PTPRN2: variants seen among roughly 807,000 people sequenced by gnomAD.
The protein encoded by PTPRN2 is protein tyrosine phosphatase receptor type N2.
PTPRN2 carries 74 observed loss-of-function variants against 118.8 expected under a neutral mutation model. The ratio of observed to expected loss-of-function variants is 0.62; its 90% CI spans 0.52 to 0.76. The LOEUF (loss-of-function observed/expected upper bound fraction) is 0.76, where lower values mean the gene tolerates loss of function less well. PTPRN2 is among the 30% of genes least tolerant of loss of function. PTPRN2 has a pLI of 0.00. For missense variants in PTPRN2, 1,481 were observed against 1,394.4 expected (o/e 1.06, Z -0.99); for synonymous variants, 641 against 608.0 (o/e 1.05, Z -0.80).
intron 12 of PTPRN2, among the ~76,000 whole-genome samples, chr7:157,721,935 G>A (rs139731709): frequency 1.3e-5 from 2 of 152,308 alleles, no homozygotes; most frequent in East Asian, 3.9e-4. Context: ...GTCTTCAAAC[G>A]AGAACACTTC....
At chr7:157,579,504 A>G (rs565214922) in intron 17 of PTPRN2, among the ~76,000 whole-genome samples, 13 of 152,340 alleles carry the variant, frequency 8.5e-5, no homozygotes, top group Admixed American at 7.8e-4. Flanking sequence ...AAATGAGGAG[A>G]AACACAGATT....
At chr7:158,160,345 T>C (rs1356998747) in intron 6 of PTPRN2, among the ~76,000 whole-genome samples, 1 of 151,964 alleles carries the variant, frequency 6.6e-6, no homozygotes, top group Admixed American at 6.6e-5. Context: ...ACACAGAGGG[T>C]GAATTAGGCT....
intron 4 of PTPRN2, among the ~76,000 whole-genome samples, chr7:158,198,415 T>C (rs900627890): frequency 6.6e-6 from 1 of 152,212 alleles, no homozygotes; most frequent in Non-Finnish European, 1.5e-5. Context: ...CCCTTCTCCA[T>C]TGGCACACAC....
At chr7:158,449,215 G>T (rs1817931345) in intron 2 of PTPRN2, among the ~76,000 whole-genome samples, 1 of 152,214 alleles carries the variant, frequency 6.6e-6, no homozygotes, top group South Asian at 2.1e-4. Flanking sequence ...TAGGGATGGT[G>T]TCTCCAATGA....
intron 5 of PTPRN2, among the ~76,000 whole-genome samples, chr7:158,171,310 T>TACATAC (rs1343884902): frequency 2.4e-4 from 16 of 67,636 alleles, no homozygotes; most frequent in East Asian, 2.0e-3. Flanking sequence ...TATACACACA[T>TACATAC]ATATATATAT....
At chr7:157,600,016 C>T (rs1801578978) in intron 16 of PTPRN2, among the ~76,000 whole-genome samples, 1 of 96,568 alleles carries the variant, frequency 1.0e-5, no homozygotes, top group East Asian at 3.2e-4. Context: ...TCCACCTGCC[C>T]ACCTCTCCAC....
chr7:158,162,199 A>T (rs565729045), intron 6 of PTPRN2, among the ~76,000 whole-genome samples: 1 of 152,252 alleles, frequency 6.6e-6, no homozygotes, highest in East Asian at 1.9e-4. Flanking sequence ...CCAAAACCAA[A>T]CATTCTCTTA....
chr7:157,640,467 A>G (rs1804605323), intron 14 of PTPRN2, among the ~76,000 whole-genome samples: 1 of 152,260 alleles, frequency 6.6e-6, no homozygotes, highest in Non-Finnish European at 1.5e-5. Context: ...AGAATGGAAG[A>G]GAGTCAAATG....
chr7:157,747,429 C>G (rs1281402860), intron 12 of PTPRN2, among the ~76,000 whole-genome samples: 40 of 78,092 alleles, frequency 5.1e-4, no homozygotes, highest in Admixed American at 1.4e-3. Flanking sequence ...GAGCTTTGGG[C>G]TGTCCGGGTG....
At chr7:158,302,447 T>C (rs977132371) in intron 3 of PTPRN2, among the ~76,000 whole-genome samples, 4 of 152,238 alleles carry the variant, frequency 2.6e-5, no homozygotes, top group Admixed American at 2.0e-4. Flanking sequence ...CTCGGTCCTC[T>C]TAAACTGCAT....
intron 9 of PTPRN2, among the ~76,000 whole-genome samples, chr7:158,111,803 A>G (rs1330131577): frequency 6.6e-6 from 1 of 152,124 alleles, no homozygotes; most frequent in African/African-American, 2.4e-5. Flanking sequence ...TGATGGGTTG[A>G]ATTATGTCAC....
chr7:158,077,340 T>C (rs908573761), intron 11 of PTPRN2, among the ~76,000 whole-genome samples: 1 of 152,140 alleles, frequency 6.6e-6, no homozygotes, highest in African/African-American at 2.4e-5. Context: ...CAGGAGGACG[T>C]CACGGAAAGT....
At chr7:158,466,810 G>C (rs1264902411) in intron 2 of PTPRN2, among the ~76,000 whole-genome samples, 1 of 152,194 alleles carries the variant, frequency 6.6e-6, no homozygotes, top group Non-Finnish European at 1.5e-5. Flanking sequence ...GGAGGCTGAG[G>C]CGGGTGGATC....
At chr7:158,496,554 C>T (rs200994418) in intron 1 of PTPRN2, among the ~76,000 whole-genome samples, 17 of 9,818 alleles carry the variant, frequency 1.7e-3, no homozygotes, top group South Asian at 4.2e-3. Flanking sequence ...TTCCTCTTCC[C>T]TGCGCCCCCT....
intron 12 of PTPRN2, among the ~76,000 whole-genome samples, chr7:157,775,824 G>A (rs1386312326): frequency 6.6e-6 from 1 of 152,120 alleles, no homozygotes; most frequent in Non-Finnish European, 1.5e-5. Flanking sequence ...CACCAAGTAA[G>A]CCTGGCGTGG....
At chr7:158,192,621 TTGC>T in intron 4 of PTPRN2, 126 bp from the exon 5 acceptor site, 1 of 1,096,996 alleles carries the variant, frequency 9.1e-7, no homozygotes. Flanking sequence ...CGGCCTGGCC[TTGC>T]TGCTCCATGA....
rs1356104544 is a variant in PTPRN2 at position 158,022,299 on chromosome 7, T to C, written c.1723+58999A>G. 6.6e-6 allele frequency among the ~76,000 whole-genome samples: 1 copy of C among 152,210 alleles called. No individual in the cohort carries two copies. On this transcript the variant is annotated intron_variant, in intron 11 of 22. Coordinates refer to ENST00000389418, the MANE Select transcript of PTPRN2 (RefSeq NM_002847.5). This position sits in a 1 kb window ranked among gnomAD's most constrained non-coding sequence, Gnocchi z 4.6. ...GTTTCCTACACGGTTCCGAGCGTTT[T>C]CCATCCTTCCTGACGGCCTCCACCA... is the stretch of plus-strand genomic sequence containing the variant.
rs1203971811 is a variant in PTPRN2, at chr7:157,595,363, G to A, written c.2419-48C>T. 7.5e-6 allele frequency: 9 copies of A among 1,193,804 alleles called. No homozygotes were observed. In the Admixed American group the frequency reaches 1.0e-4, roughly 13 times the overall value. 74.0% of individuals were successfully genotyped at this position (1,193,804 alleles called of 1,614,324 possible). The stretch of plus-strand genomic sequence containing the variant: ...CAGCGGTTAGCCAGGAGATTAGGAA[G>A]CCTGGAGGTTAGGAAGCCTGGAGGT... On this transcript the variant is annotated intron_variant, in intron 16 of 22. Transcript: ENST00000389418.
intron 2 of PTPRN2, among the ~76,000 whole-genome samples, chr7:158,321,833 AGCT>A (rs1207891217): frequency 2.0e-5 from 3 of 152,248 alleles, no homozygotes; most frequent in East Asian, 3.9e-4. Flanking sequence ...ACACGTGCAC[AGCT>A]GCTAACTCAT....
Sources: allele counts gnomAD v4.1 joint callset (sites outside exome capture counted in the v4.1 genomes callset), GRCh38; gene constraint gnomAD v4.1.1; non-coding constraint Gnocchi (gnomAD v3.1); transcripts MANE v1.5; gene names NCBI Gene and HGNC (gene_info 2026-07-23, HGNC 2026-07-21).